The following GRIA2 variants were observed in gnomAD, a reference collection of about 807,000 sequenced individuals.
GRIA2 encodes the protein glutamate receptor 2.
Under a neutral mutation model 97.3 loss-of-function variants are expected in GRIA2, and 14 were observed. The ratio of observed to expected loss-of-function variants is 0.14; its 90% CI spans 0.10 to 0.23. GRIA2 has a LOEUF of 0.23. Among genes scored for constraint, GRIA2 ranks in the 10% least tolerant of loss-of-function variants. The probability of loss-of-function intolerance (pLI) is 1.00; values close to 1 mark genes in which losing one functional copy is unlikely to be tolerated. For missense variants in GRIA2, 558 were observed against 1,069.8 expected, an observed-to-expected ratio of 0.52 and a Z score of 6.67; for synonymous variants, 412 against 387.8, an observed-to-expected ratio of 1.06 and a Z score of -0.73.
intron 15 of GRIA2, 102 bp from the exon 16 acceptor site, chr4:157,363,333 A>T: frequency 2.9e-6 from 2 of 698,914 alleles, no homozygotes; most frequent in Non-Finnish European, 4.0e-6. Context: ...GCTTTCAGAT[A>T]GAAGTAAACT....
Position 157,335,721 on chromosome 4 carries a change from T to C in GRIA2, c.1317T>C (p.Asn439=), listed in dbSNP as rs1735253574. Residue 439 remains asparagine, a synonymous_variant, in exon 10 of 16, where the codon AAT becomes AAC. Coordinates refer to ENST00000264426, the MANE Select transcript of GRIA2 (RefSeq NM_001083619.3). ...AAAATCATGAAATGCTTGAAGGCAA[T>C]GAGCGCTATGAGGGCTACTGTGTTG... ...MKKNHEMLEG[N]ERYEGYCVDL... 3.1e-6 allele frequency: 5 copies of C among 1,612,230 alleles called. No homozygotes were observed. In the East Asian group the frequency reaches 1.1e-4, roughly 36 times the overall value.
At chr4:157,297,071 A>G (rs1000161472) in intron 2 of GRIA2, among the ~76,000 whole-genome samples, 2 of 152,162 alleles carry the variant, frequency 1.3e-5, no homozygotes, top group African/African-American at 4.8e-5. Flanking sequence ...CAGGAGGGTT[A>G]TATCTGCCAT....
rs1293301284 is a variant in GRIA2 at position 157,335,687 on chromosome 4, T to C, written c.1283T>C (p.Met428Thr). ...VTTILESPYVMMKKNHEMLEG... is the reference protein window; with the variant it reads ...VTTILESPYVTMKKNHEMLEG... ...TTCATATAGGAATCTCCGTATGTTA[T>C]GATGAAGAAAAATCATGAAATGCTT... Residue 428 changes from methionine (M) to threonine (T), a missense_variant, in exon 10 of 16, where the codon ATG becomes ACG. Met to Thr is a moderately conservative substitution (Grantham distance 81, BLOSUM62 -1). Around this residue, in one of 8 missense-constraint regions of GRIA2, gnomAD observed 41 missense variants for 102.2 expected, o/e 0.40. Transcript: ENST00000264426. 1.2e-6 allele frequency: 2 copies of C among 1,605,554 alleles called. No individual in the cohort carries two copies. Among genetic ancestry groups the C allele is most frequent in the East Asian group, 2.2e-5 (1 of 44,794 alleles).
chr4:157,324,775 A>T (rs1041177012), intron 6 of GRIA2, among the ~76,000 whole-genome samples: 23 of 152,168 alleles, frequency 1.5e-4, no homozygotes, highest in African/African-American at 5.1e-4. Context: ...TGCTTTCATA[A>T]TTATTTTTGC....
intron 12 of GRIA2, among the ~76,000 whole-genome samples, chr4:157,344,381 A>T (rs1339151814): frequency 3.9e-5 from 6 of 152,006 alleles, no homozygotes; most frequent in African/African-American, 1.5e-4. Flanking sequence ...CTTCTGTGTA[A>T]GGTAGATACA....
At position 157,325,195 on chromosome 4, in the gene GRIA2, A is replaced by C. The variant is rs145637625; in HGVS notation, c.882+3596A>C. 3.7e-3 allele frequency among the ~76,000 whole-genome samples: 562 copies of C among 152,292 alleles called. 5 individuals carry two copies. The highest frequency in any genetic ancestry group is 0.014 in the East Asian group (70 of 5,184). ...GTTAAATCAGCTTCCAAAGTTTTCA[A>C]ATTAAAATAAATTTTATTCAGTAAA... is the stretch of plus-strand genomic sequence containing the variant. On this transcript the variant is annotated intron_variant, in intron 6 of 15. Transcript: ENST00000264426.
At chr4:157,290,714 C>G (rs529828268) in intron 2 of GRIA2, among the ~76,000 whole-genome samples, 2 of 151,714 alleles carry the variant, frequency 1.3e-5, no homozygotes, top group Non-Finnish European at 2.9e-5. Flanking sequence ...AGTTTGAAAT[C>G]AGAACATATG....
intron 12 of GRIA2, among the ~76,000 whole-genome samples, chr4:157,349,482 T>A (rs1399875225): frequency 7.4e-6 from 1 of 134,950 alleles, no homozygotes; most frequent in Non-Finnish European, 1.6e-5. Flanking sequence ...CTTCCTTCCT[T>A]CCTTCCTTCC....
chr4:157,318,229 ACT>A (rs1208726145), intron 5 of GRIA2, among the ~76,000 whole-genome samples: 1 of 152,014 alleles, frequency 6.6e-6, no homozygotes, highest in Non-Finnish European at 1.5e-5. Flanking sequence ...TCTGTTTTTC[ACT>A]GTCTCTATTT....
intron 2 of GRIA2, among the ~76,000 whole-genome samples, chr4:157,264,474 T>TA (rs2126775825): frequency 6.6e-6 from 1 of 152,206 alleles, no homozygotes; most frequent in African/African-American, 2.4e-5. Flanking sequence ...CTCTTTCACT[T>TA]ACAAGAACCC....
At chr4:157,285,709 C>T (rs575878002) in intron 2 of GRIA2, among the ~76,000 whole-genome samples, 81 of 151,530 alleles carry the variant, frequency 5.3e-4, no homozygotes, top group African/African-American at 1.4e-3. Context: ...TTGGCTTCTA[C>T]GCTCTGTGTA....
intron 11 of GRIA2, among the ~76,000 whole-genome samples, chr4:157,338,006 GTGTATATATA>G (rs1735368097): frequency 1.7e-5 from 1 of 59,862 alleles, no homozygotes; most frequent in African/African-American, 6.4e-5. Flanking sequence ...GTATATATAT[GTGTATATATA>G]TATATATATA....
chr4:157,304,549 T>G (rs971055408), intron 3 of GRIA2, among the ~76,000 whole-genome samples: 3 of 152,212 alleles, frequency 2.0e-5, no homozygotes, highest in Admixed American at 2.0e-4. Flanking sequence ...TCAGTGGGTT[T>G]GTGTACTCCC....
intron 12 of GRIA2, among the ~76,000 whole-genome samples, chr4:157,344,259 G>T (rs1383233847): frequency 6.6e-6 from 1 of 152,038 alleles, no homozygotes; most frequent in African/African-American, 2.4e-5. Context: ...CTGACTTTCT[G>T]TGGAAAAATG....
intron 6 of GRIA2, among the ~76,000 whole-genome samples, chr4:157,322,242 AGTGTGTGTGTGTGT>A (rs35080512): frequency 5.8e-5 from 8 of 137,154 alleles, no homozygotes; most frequent in East Asian, 2.1e-4. Context: ...AGAGAGAGAG[AGTGTGTGTGTGTGT>A]GTGTGTGTGT....
At chr4:157,260,314 A>G (rs1235408268) in intron 2 of GRIA2, among the ~76,000 whole-genome samples, 2 of 152,118 alleles carry the variant, frequency 1.3e-5, no homozygotes, top group African/African-American at 4.8e-5. Flanking sequence ...AATAGACCCC[A>G]TATAACTGTG....
chr4:157,263,155 A>G lies in GRIA2; in HGVS notation c.230-40397A>G, dbSNP rs545463331. 7.2e-4 allele frequency among the ~76,000 whole-genome samples: 110 copies of G among 152,196 alleles called. 1 individual carries two copies. Among genetic ancestry groups the G allele is most frequent in the African/African-American group, 2.6e-3 (107 of 41,554 alleles). On this transcript the variant is annotated intron_variant, in intron 2 of 15. Transcript: ENST00000264426. ...TGAGTGGAGAAGCCGAAAATATATTAAGCTCTTCAATTTAAAGTGGTTGAT... is the reference window on the plus strand; with the variant it reads ...TGAGTGGAGAAGCCGAAAATATATTGAGCTCTTCAATTTAAAGTGGTTGAT...
chr4:157,283,798 G>A (rs1017335535), intron 2 of GRIA2, among the ~76,000 whole-genome samples: 2 of 151,756 alleles, frequency 1.3e-5, no homozygotes, highest in African/African-American at 4.8e-5. Flanking sequence ...GAGAAAATTA[G>A]CCAAATCTTC....
At chr4:157,225,120 A>T (rs1477029331) in intron 2 of GRIA2, among the ~76,000 whole-genome samples, 1 of 152,082 alleles carries the variant, frequency 6.6e-6, no homozygotes, top group Non-Finnish European at 1.5e-5. Flanking sequence ...ATCCAGGGAG[A>T]TCCACTGAAT....
Sources: gnomAD v4.1 joint callset for allele counts (sites outside exome capture counted in the v4.1 genomes callset) on GRCh38, gnomAD v4.1.1 for gene constraint, gnomAD v4.1.1 regional missense constraint, MANE v1.5 for transcripts, NCBI Gene and HGNC (gene_info 2026-07-23, HGNC 2026-07-21) for gene names.